Variants in ZFYVE26 observed in about 807,000 individuals in gnomAD.
ZFYVE26 encodes zinc finger FYVE-type containing 26.
ZFYVE26 carries 181 observed loss-of-function variants against 276.5 expected under a neutral mutation model. That is an observed-to-expected ratio of 0.65 (90% confidence interval 0.58 to 0.74). The LOEUF (loss-of-function observed/expected upper bound fraction) is 0.74, where lower values mean the gene tolerates loss of function less well. Ranked by LOEUF, ZFYVE26 falls within the 30% of genes least tolerant of loss-of-function variation. ZFYVE26 has a pLI of 0.00. For missense variants in ZFYVE26, 2,821 were observed against 3,097.9 expected, an observed-to-expected ratio of 0.91 and a Z score of 2.12; for synonymous variants, 1,129 against 1,203.1, an observed-to-expected ratio of 0.94 and a Z score of 1.27.
At chr14:67,770,658 A>G (rs373339646) in intron 28 of ZFYVE26, among the ~76,000 whole-genome samples, 5 of 152,296 alleles carry the variant, frequency 3.3e-5, no homozygotes, top group African/African-American at 1.2e-4. Flanking sequence ...AGGTTATTGT[A>G]AAATTTAAGA....
chr14:67,784,985 T>C, intron 19 of ZFYVE26, 74 bp downstream of exon 19: 2 of 1,481,182 alleles, frequency 1.4e-6, no homozygotes, highest in Non-Finnish European at 1.9e-6. Context: ...CTTTCAATTG[T>C]GCATCTTTTC....
In ZFYVE26 at chr14:67,762,724, G is replaced by A. The variant is rs2140194720; in HGVS notation, c.6107C>T (p.Thr2036Ile). 1 of 1,614,158 alleles carries A rather than the reference G, an allele frequency of 6.2e-7. No homozygotes were observed. The highest frequency in any genetic ancestry group is 2.2e-5 in the East Asian group (1 of 44,876). The change falls in exon 33 of 42, where the codon ACC (threonine) becomes ATC (isoleucine). Residue 2036 changes from threonine to isoleucine, a missense_variant. Thr to Ile is a moderately conservative substitution (Grantham distance 89). Coordinates refer to ENST00000347230, the MANE Select transcript of ZFYVE26 (RefSeq NM_015346.4). ...TTCCAAAAGCTGGTTCCTTAGCCTG[G>A]TTACTGCAGCTGGCTGCAAGATCTG... Reference protein sequence around the residue: ...LDQILQPAAVTRLRNQLLEAE... With the variant: ...LDQILQPAAVIRLRNQLLEAE...
At position 67,784,407 on chromosome 14, in the gene ZFYVE26, A is replaced by C; in HGVS notation, c.3553T>G (p.Phe1185Val). Residue 1185 changes from phenylalanine (F) to valine (V), a missense_variant, in exon 20 of 42, where the codon TTT (phenylalanine) becomes GTT (valine). Coordinates refer to ENST00000347230, the MANE Select transcript of ZFYVE26 (RefSeq NM_015346.4). ...DHVEVKVGNP[F>V]VLLQQSSSQL... The stretch of plus-strand genomic sequence containing the variant: ...GAAGAGCTCTGTTGCAGCAGAACAA[A>C]GGGATTTCCTACCTTGACCTCCACA... 6.2e-7 allele frequency: 1 copy of C among 1,614,170 alleles called. No individual in the cohort carries two copies. The highest frequency in any genetic ancestry group is 8.5e-7 in the Non-Finnish European group (1 of 1,180,006).
In ZFYVE26 at chr14:67,790,576, T is replaced by C. The variant is rs748448880; in HGVS notation, c.2751A>G (p.Ala917=). The C allele has an allele frequency of 3.7e-5, 60 of 1,613,458 alleles. No individual in the cohort carries two copies. In the East Asian group the frequency reaches 1.3e-3, roughly 35 times the overall value. ...GTGTTAGCAGGGAAGCCTGACCTGCTGCTGCAGCGCTGCCAATGGCCTGTA... is the reference window on the plus strand; with the variant it reads ...GTGTTAGCAGGGAAGCCTGACCTGCCGCTGCAGCGCTGCCAATGGCCTGTA... ...STLQAIGSAA[A]AGMVFYSISD... is the part of the protein sequence containing the mutation. The change falls in exon 15 of 42, where the codon GCA becomes GCG. Residue 917 remains alanine (A), a synonymous_variant. Transcript: ENST00000347230.
Position 67,816,036 on chromosome 14 carries a change from C to T in ZFYVE26, c.-73G>A. The T allele has an allele frequency of 7.8e-7, 1 of 1,280,876 alleles. No homozygotes were observed. Among genetic ancestry groups the T allele is most frequent in the Non-Finnish European group, 1.1e-6 (1 of 925,384 alleles). The allele number at this position is 1,280,876 out of a possible 1,614,324, so 79.3% of individuals were successfully genotyped here. A position where few individuals can be genotyped will look rare whatever the true frequency, so the allele number is the denominator to read the frequency against. ...AACACATTCTCAATGTTCTCATTCG[C>T]GGAGTACCTCCTAGAAACAACACAA... On this transcript the variant is annotated 5_prime_UTR_variant, in exon 2 of 42. Coordinates refer to ENST00000347230, the MANE Select transcript of ZFYVE26 (RefSeq NM_015346.4).
intron 16 of ZFYVE26, among the ~76,000 whole-genome samples, chr14:67,788,243 G>T (rs1373195059): frequency 6.6e-6 from 1 of 152,134 alleles, no homozygotes; most frequent in Non-Finnish European, 1.5e-5. Context: ...ACAAAAATTA[G>T]CCGGGCGTGG....
rs555136464 is a variant in ZFYVE26, at chr14:67,767,630, A to G, written c.5790+74T>C. 42 of 1,602,918 alleles carry G rather than the reference A, an allele frequency of 2.6e-5. No individual in the cohort carries two copies. The East Asian group carries it at 7.6e-4, about 29-fold the overall frequency. On this transcript the variant is annotated intron_variant, in intron 31 of 41. Transcript: ENST00000347230. ...AAGTAAAGGCCAGGTGTGTTCACCTACCTCTGTATTTCTTGTCATACTGCT... is the reference window on the plus strand; with the variant it reads ...AAGTAAAGGCCAGGTGTGTTCACCTGCCTCTGTATTTCTTGTCATACTGCT...
intron 3 of ZFYVE26, among the ~76,000 whole-genome samples, chr14:67,809,902 A>G (rs558536472): frequency 6.7e-6 from 1 of 149,452 alleles, no homozygotes; most frequent in Admixed American, 6.8e-5. Flanking sequence ...CTCCTGCCTC[A>G]GGCTCCCGAG....
chr14:67,790,520 AC>A, intron 15 of ZFYVE26, 51 bp downstream of exon 15: 2 of 1,592,666 alleles, frequency 1.3e-6, no homozygotes, highest in Non-Finnish European at 1.7e-6. Flanking sequence ...CTCCCCTTTT[AC>A]CCCCTCTCCC....
intron 33 of ZFYVE26, 41 bp downstream of exon 33, chr14:67,762,631 C>T (rs773479426): frequency 6.2e-7 from 1 of 1,610,468 alleles, no homozygotes; most frequent in Non-Finnish European, 8.5e-7. Context: ...CAACTTGCTA[C>T]AGTGGGGTGG....
Position 67,802,201 on chromosome 14 carries a change from T to A in ZFYVE26, c.1517A>T (p.Tyr506Phe), listed in dbSNP as rs2040090899. The change falls in exon 10 of 42, where the codon TAT (tyrosine) becomes TTT (phenylalanine). Residue 506 changes from tyrosine (Y) to phenylalanine (F), a missense_variant. Tyr to Phe is a conservative substitution (Grantham distance 22, BLOSUM62 3). Transcript: ENST00000347230. ...GTTTACACAGAGGGCATAGATGGCA[T>A]ACTTCATGGCACAGAAGCCCTGGTA... ...TLYQGFCAMKYAIYALCVNSH... is the reference protein window; with the variant it reads ...TLYQGFCAMKFAIYALCVNSH... 6.2e-7 allele frequency: 1 copy of A among 1,614,198 alleles called. No homozygotes were observed. The highest frequency in any genetic ancestry group is 8.5e-7 in the Non-Finnish European group (1 of 1,180,024).
chr14:67,756,246 C>T, intron 35 of ZFYVE26, 101 bp from the exon 36 acceptor site: 3 of 1,195,710 alleles, frequency 2.5e-6, no homozygotes, highest in East Asian at 2.3e-5. Flanking sequence ...CTTCAGCATC[C>T]TCCCAATGCA....
rs771465086 is a variant in ZFYVE26, at chr14:67,790,791, G to A, written c.2554-18C>T. On this transcript the variant is annotated intron_variant, in intron 14 of 41. Transcript: ENST00000347230. Reference sequence around the variant, plus strand: ...AACAGCACCTGTCATAGGAGAGGGAGTGTGTGGGCCCTGGTGGTCCCACTG... The same window carrying A: ...AACAGCACCTGTCATAGGAGAGGGAATGTGTGGGCCCTGGTGGTCCCACTG... 38 of 1,611,082 alleles carry A rather than the reference G, an allele frequency of 2.4e-5. No homozygotes were observed. Among genetic ancestry groups the A allele is most frequent in the Non-Finnish European group, 3.1e-5 (37 of 1,177,470 alleles).
rs186292999 is a variant in ZFYVE26 at position 67,756,568 on chromosome 14, G to A, written c.6589-423C>T. On this transcript the variant is annotated intron_variant, in intron 35 of 41. Coordinates refer to ENST00000347230, the MANE Select transcript of ZFYVE26 (RefSeq NM_015346.4). ...GAGATGGCTTCTTCCTCCTTGAAAAGCCTTTTAAAAATAATTGAGAAAAAA... is the reference window on the plus strand; with the variant it reads ...GAGATGGCTTCTTCCTCCTTGAAAAACCTTTTAAAAATAATTGAGAAAAAA... 1.6e-3 allele frequency: 343 copies of A among 211,002 alleles called. 1 individual carries two copies. The highest frequency in any genetic ancestry group is 0.012 in the Middle Eastern group (6 of 492). The allele number at this position is 211,002 out of a possible 1,614,324, so 13.1% of individuals were successfully genotyped here.
At chr14:67,815,661 T>C (rs1459491775) in intron 2 of ZFYVE26, 109 bp downstream of exon 2, 5 of 1,067,594 alleles carry the variant, frequency 4.7e-6, no homozygotes, top group African/African-American at 3.1e-5. Context: ...ACTGTGCCTC[T>C]GCTTATTCTT....
intron 21 of ZFYVE26, 115 bp downstream of exon 21, chr14:67,782,665 G>C: frequency 6.6e-7 from 1 of 1,525,108 alleles, no homozygotes; most frequent in Non-Finnish European, 9.0e-7. Flanking sequence ...TTAATAACAT[G>C]AGATTATAGT....
intron 35 of ZFYVE26, among the ~76,000 whole-genome samples, chr14:67,756,698 G>T (rs539485225): frequency 6.6e-6 from 1 of 152,178 alleles, no homozygotes; most frequent in African/African-American, 2.4e-5. Context: ...AATCTCCCCA[G>T]GGCTTCGGAG....
chr14:67,778,616 T>G (rs971118610), intron 23 of ZFYVE26, among the ~76,000 whole-genome samples: 14 of 152,224 alleles, frequency 9.2e-5, no homozygotes, highest in Admixed American at 6.5e-4. Context: ...ATTTTAAAAT[T>G]TTGGCAATAA....
chr14:67,776,957 T>C (rs961763870), intron 25 of ZFYVE26, among the ~76,000 whole-genome samples: 2 of 152,244 alleles, frequency 1.3e-5, no homozygotes, highest in African/African-American at 4.8e-5. Context: ...AAACTCTGCT[T>C]CACTGGATTA....
Sources: gnomAD v4.1 joint callset for allele counts (sites outside exome capture counted in the v4.1 genomes callset) on GRCh38, gnomAD v4.1.1 for gene constraint, MANE v1.5 for transcripts, NCBI Gene and HGNC (gene_info 2026-07-23, HGNC 2026-07-21) for gene names.